The following UPF3A variants were observed in gnomAD, a reference collection of about 807,000 sequenced individuals.
The protein encoded by UPF3A is UPF3A regulator of nonsense mediated mRNA decay.
A neutral mutation model predicts 53.5 loss-of-function variants in UPF3A; 42 were observed. The ratio of observed to expected loss-of-function variants is 0.78; its 90% CI spans 0.61 to 1.01. UPF3A has a LOEUF of 1.01. UPF3A is among the 50% of genes least tolerant of loss of function. The pLI is 0.00. For synonymous variants in UPF3A, 237 were observed against 225.3 expected, an observed-to-expected ratio of 1.05 and a Z score of -0.47; for missense variants, 575 against 598.0, an observed-to-expected ratio of 0.96 and a Z score of 0.40.
At chr13:114,286,686 A>G (rs1040936968) in intron 5 of UPF3A, 57 bp downstream of exon 5, 107 of 1,407,038 alleles carry the variant, frequency 7.6e-5, no homozygotes, top group Non-Finnish European at 1.0e-4. Context: ...CGTAGAGGAT[A>G]TACGTTTTTT....
intron 2 of UPF3A, chr13:114,282,501 C>T: frequency 1.0e-6 from 1 of 985,438 alleles, no homozygotes. Flanking sequence ...GTGCCGCAGC[C>T]AGTGCGGTTT....
chr13:114,296,665 A>G (rs1280184975), intron 7 of UPF3A, among the ~76,000 whole-genome samples: 3 of 152,156 alleles, frequency 2.0e-5, no homozygotes. Context: ...AGTACCGGTG[A>G]CACACTGGGA....
chr13:114,282,180 C>T, intron 2 of UPF3A, 53 bp downstream of exon 2: 3 of 1,435,982 alleles, frequency 2.1e-6, no homozygotes, highest in Non-Finnish European at 1.9e-6. Flanking sequence ...AGCTCGGCGG[C>T]GGTGGCCGTC....
rs2084233983 is a variant in UPF3A at position 114,282,707 on chromosome 13, T to G, written c.315-130T>G. Reference sequence around the variant, plus strand: ...CTAAAGAATATCCAAGTTGTTACAATTAACTGAGATGATTTGGCACAAAAG... The same window carrying G: ...CTAAAGAATATCCAAGTTGTTACAAGTAACTGAGATGATTTGGCACAAAAG... On this transcript the variant is annotated intron_variant, in intron 2 of 9. Coordinates refer to ENST00000375299, the MANE Select transcript of UPF3A (RefSeq NM_023011.4). The G allele has an allele frequency of 1.6e-5, 24 of 1,490,316 alleles. No homozygotes were observed. The South Asian group carries it at 2.9e-4, about 18-fold the overall frequency. 92.3% of individuals were successfully genotyped at this position (1,490,316 alleles called of 1,614,324 possible). A position where few individuals can be genotyped will look rare whatever the true frequency, so the allele number is the denominator to read the frequency against.
Position 114,291,713 on chromosome 13 carries a change from G to A in UPF3A, c.767G>A (p.Arg256Lys). The A allele has an allele frequency of 6.3e-7, 1 of 1,598,362 alleles. No individual in the cohort carries two copies. Among genetic ancestry groups the A allele is most frequent in the East Asian group, 2.2e-5 (1 of 44,798 alleles). Residue 256 changes from arginine (R) to lysine (K), a missense_variant, in exon 7 of 10, where the codon AGA (arginine) becomes AAA (lysine). By Grantham distance (26) the Arg-to-Lys change is conservative. Coordinates refer to ENST00000375299, the MANE Select transcript of UPF3A (RefSeq NM_023011.4). ...KKRLREEEKR[R>K]RREEERCKKK... ...CGTTTGCGGGAAGAGGAAAAAAGAAGAAGAAGAGAAGAAGAAAGATGCAAA... is the reference window on the plus strand; with the variant it reads ...CGTTTGCGGGAAGAGGAAAAAAGAAAAAGAAGAGAAGAAGAAAGATGCAAA...
intron 7 of UPF3A, among the ~76,000 whole-genome samples, chr13:114,296,697 G>C (rs1032362522): frequency 6.6e-6 from 1 of 152,144 alleles, no homozygotes; most frequent in African/African-American, 2.4e-5. Context: ...CGTCTGAAAG[G>C]GGGGCAGTCT....
intron 7 of UPF3A, among the ~76,000 whole-genome samples, chr13:114,296,649 G>C (rs895348702): frequency 2.0e-5 from 3 of 152,110 alleles, no homozygotes; most frequent in African/African-American, 7.2e-5. Context: ...TTGCTGACTG[G>C]TCAGAAGTAC....
intron 7 of UPF3A, among the ~76,000 whole-genome samples, chr13:114,294,734 A>G (rs768834702): frequency 7.9e-5 from 12 of 151,792 alleles, no homozygotes; most frequent in Non-Finnish European, 1.8e-4. Context: ...CTGAGGCAGG[A>G]GAATCGCTTG....
intron 5 of UPF3A, among the ~76,000 whole-genome samples, chr13:114,288,614 T>C (rs569337559): frequency 5.3e-5 from 8 of 152,222 alleles, no homozygotes; most frequent in African/African-American, 1.9e-4. Context: ...AGTAGCATGG[T>C]CTGATTATTT....
At position 114,281,858 on chromosome 13, in the gene UPF3A, G is replaced by A; in HGVS notation, c.207+12G>A. The A allele has an allele frequency of 1.3e-6, 2 of 1,518,562 alleles. No individual in the cohort carries two copies. Among genetic ancestry groups the A allele is most frequent in the Non-Finnish European group, 8.8e-7 (1 of 1,132,872 alleles). 94.1% of individuals were successfully genotyped at this position (1,518,562 alleles called of 1,614,324 possible). A position where few individuals can be genotyped will look rare whatever the true frequency, so the allele number is the denominator to read the frequency against. On this transcript the variant is annotated intron_variant, in intron 1 of 9. Transcript: ENST00000375299. ...CGGCCCTGAGCAAGGTGGGGACGGG[G>A]GCGGGGCGCGCAAACCTCGCGAGGA...
chr13:114,303,623 G>T (rs114680421), intron 9 of UPF3A, among the ~76,000 whole-genome samples: 4,264 of 151,906 alleles, frequency 0.028, 209 homozygotes, highest in African/African-American at 0.098. Context: ...CCATCTCTAC[G>T]GAAAATACAA....
chr13:114,281,624 C>A lies in UPF3A; in HGVS notation c.-16C>A, dbSNP rs911337011. 14 of 1,420,668 alleles carry A rather than the reference C, an allele frequency of 9.9e-6. No homozygotes were observed. The highest frequency in any genetic ancestry group is 1.3e-5 in the Non-Finnish European group (14 of 1,088,172). The allele number at this position is 1,420,668 out of a possible 1,614,324, so 88.0% of individuals were successfully genotyped here. ...TCGTCGGGGGCTGGCGGCTGCGGCT[C>A]GGCGGAGAGTGCGGCATGCGCTCGG... is the stretch of plus-strand genomic sequence containing the variant. On this transcript the variant is annotated 5_prime_UTR_variant, in exon 1 of 10. Transcript: ENST00000375299.
chr13:114,282,520 G>A (rs2084204377), intron 2 of UPF3A: 3 of 985,440 alleles, frequency 3.0e-6, no homozygotes, highest in Non-Finnish European at 3.6e-6. Context: ...TTTAAATACC[G>A]GAGAAGGTCC....
intron 8 of UPF3A, among the ~76,000 whole-genome samples, chr13:114,301,266 CCTAA>C (rs1004276352): frequency 2.6e-5 from 4 of 152,018 alleles, no homozygotes; most frequent in Non-Finnish European, 5.9e-5. Context: ...TCGAGACCAT[CCTAA>C]CTAACACAGT....
intron 2 of UPF3A, 141 bp from the exon 3 acceptor site, chr13:114,282,696 A>T (rs1001947202): frequency 1.4e-5 from 20 of 1,479,092 alleles, no homozygotes; most frequent in African/African-American, 4.3e-5. Context: ...AGAATATCCA[A>T]GTTGTTACAA....
At chr13:114,287,135 G>A (rs186911865) in intron 5 of UPF3A, 1 of 155,328 alleles carries the variant, frequency 6.4e-6, no homozygotes, top group African/African-American at 2.4e-5. Context: ...GCCCACAAGT[G>A]GTGTACTTTA....
chr13:114,298,297 C>T (rs1432774404), intron 7 of UPF3A, among the ~76,000 whole-genome samples: 4 of 151,408 alleles, frequency 2.6e-5, no homozygotes, highest in Non-Finnish European at 4.4e-5. Context: ...CACTTGAACC[C>T]GGGAGGAGGA....
intron 9 of UPF3A, among the ~76,000 whole-genome samples, chr13:114,302,522 C>T (rs1310419861): frequency 1.3e-5 from 2 of 152,084 alleles, no homozygotes; most frequent in African/African-American, 4.8e-5. Context: ...ATTTTCCCAG[C>T]GCAGCACTAC....
intron 7 of UPF3A, among the ~76,000 whole-genome samples, chr13:114,293,303 GA>G (rs1566750327): frequency 6.6e-6 from 1 of 150,988 alleles, no homozygotes; most frequent in Non-Finnish European, 1.5e-5. Context: ...AGAATCACTT[GA>G]ACCCAGGAGG....
Sources: allele counts gnomAD v4.1 joint callset (sites outside exome capture counted in the v4.1 genomes callset), GRCh38; gene constraint gnomAD v4.1.1; transcripts MANE v1.5; gene names NCBI Gene and HGNC (gene_info 2026-07-23, HGNC 2026-07-21).